Variants in RBFOX3 observed in about 807,000 individuals in gnomAD.
RBFOX3 encodes RNA binding protein fox-1 homolog 3.
RBFOX3 carries 17 observed loss-of-function variants against 48.7 expected under a neutral mutation model. The ratio of observed to expected loss-of-function variants is 0.35; its 90% CI spans 0.24 to 0.52. The LOEUF (loss-of-function observed/expected upper bound fraction) is 0.52. RBFOX3 is among the 20% of genes least tolerant of loss of function. The pLI, the probability that RBFOX3 is intolerant of heterozygous loss-of-function variation, is 0.94. For synonymous variants in RBFOX3, 212 were observed against 209.5 expected, an observed-to-expected ratio of 1.01 and a Z score of -0.10; for missense variants, 382 against 497.5, an observed-to-expected ratio of 0.77 and a Z score of 2.21.
At chr17:79,610,481 C>T (rs996034662) in intron 1 of RBFOX3, among the ~76,000 whole-genome samples, 6 of 150,164 alleles carry the variant, frequency 4.0e-5, no homozygotes, top group South Asian at 4.2e-4. Context: ...ACCGCCACCG[C>T]CACTGCCACC....
At chr17:79,567,572 GATTT>G (rs2092515043) in intron 1 of RBFOX3, among the ~76,000 whole-genome samples, 18,783 of 151,220 alleles carry the variant, frequency 0.12, 1,873 homozygotes, top group African/African-American at 0.27. Flanking sequence ...AGGTTTCCCT[GATTT>G]GATCATTACA....
In RBFOX3 at chr17:79,415,657, G is replaced by A. The variant is rs370152039; in HGVS notation, c.-175+66797C>T. Among the ~76,000 whole-genome samples, 5 of 152,302 alleles carry A rather than the reference G, an allele frequency of 3.3e-5. No individual in the cohort carries two copies. The East Asian group carries it at 5.8e-4, about 18-fold the overall frequency. On this transcript the variant is annotated intron_variant, in intron 2 of 14. Transcript: ENST00000693108. ...GCAGGACAGTCACACAATTGCATGC[G>A]GCTCAGTTACGATGGGCACACAGGG... is the stretch of plus-strand genomic sequence containing the variant.
chr17:79,660,053 G>A, the RBFOX3 span, among the ~76,000 whole-genome samples: 1 of 152,180 alleles, frequency 6.6e-6, no homozygotes, highest in Non-Finnish European at 1.5e-5. Context: ...AGGGCATGGT[G>A]GCGGGCGCCT....
intron 5 of RBFOX3, among the ~76,000 whole-genome samples, chr17:79,114,994 G>A (rs2033431745): frequency 6.6e-6 from 1 of 152,244 alleles, no homozygotes; most frequent in South Asian, 2.1e-4. Flanking sequence ...TCTGATTGGA[G>A]GCCAGCCAAG....
intron 6 of RBFOX3, 88 bp downstream of exon 6, chr17:79,106,563 G>C: frequency 2.9e-6 from 4 of 1,372,338 alleles, no homozygotes; most frequent in Non-Finnish European, 3.8e-6. Flanking sequence ...GGGGGAACAG[G>C]TGTCGGCAGG....
chr17:79,652,819 A>G, the RBFOX3 span, among the ~76,000 whole-genome samples: 1 of 152,094 alleles, frequency 6.6e-6, no homozygotes, highest in African/African-American at 2.4e-5. Flanking sequence ...TAATACCATA[A>G]ATGTCCCCAG....
chr17:79,280,381 T>C (rs11651201), intron 3 of RBFOX3, among the ~76,000 whole-genome samples: 38,623 of 152,046 alleles, frequency 0.25, 5,468 homozygotes, highest in East Asian at 0.59. Context: ...TGGGACTGTC[T>C]GTGTGAGATG....
chr17:79,384,495 C>T (rs555572149), intron 2 of RBFOX3, among the ~76,000 whole-genome samples: 3 of 152,190 alleles, frequency 2.0e-5, no homozygotes, highest in Admixed American at 6.5e-5. Context: ...TCTGGAGAAC[C>T]GTCTGCCCTC....
chr17:79,559,499 A>C (rs2092027400), intron 1 of RBFOX3, among the ~76,000 whole-genome samples: 1 of 132,436 alleles, frequency 7.6e-6, no homozygotes, highest in Non-Finnish European at 1.6e-5. Flanking sequence ...TAGGTGGTGG[A>C]TTTTGTATGG....
intron 14 of RBFOX3, chr17:79,092,313 G>T: frequency 1.0e-6 from 1 of 985,538 alleles, no homozygotes; most frequent in Non-Finnish European, 1.2e-6. Context: ...TACCTGCAAT[G>T]GCTTGGGTAG....
chr17:79,338,387 A>G (rs1028339911), intron 2 of RBFOX3, among the ~76,000 whole-genome samples: 5 of 152,104 alleles, frequency 3.3e-5, no homozygotes, highest in African/African-American at 1.2e-4. Context: ...ATCAGCAGAC[A>G]GGGAGAGTAT....
chr17:79,334,873 C>T lies in RBFOX3; in HGVS notation c.-174-27049G>A, dbSNP rs79446040. 5.3e-3 allele frequency among the ~76,000 whole-genome samples: 804 copies of T among 152,364 alleles called. 5 individuals are homozygous for T. The highest frequency in any genetic ancestry group is 0.018 in the African/African-American group (731 of 41,584). On this transcript the variant is annotated intron_variant, in intron 2 of 14. Transcript: ENST00000693108. ...CTGGCACGTAGCAAGTGTCTCACCC[C>T]CCAACCAGCCCAGCCCACCCTGCAC... is the stretch of plus-strand genomic sequence containing the variant.
intron 2 of RBFOX3, among the ~76,000 whole-genome samples, chr17:79,465,819 C>T (rs989550151): frequency 6.6e-6 from 1 of 152,196 alleles, no homozygotes; most frequent in African/African-American, 2.4e-5. Flanking sequence ...GGCACGGGAT[C>T]GCGGCCTGGG....
the RBFOX3 span, among the ~76,000 whole-genome samples, chr17:79,652,028 A>C: frequency 1.3e-5 from 2 of 151,778 alleles, no homozygotes; most frequent in Admixed American, 6.6e-5. Context: ...GCCCTGGCAA[A>C]CATATTGACT....
chr17:79,154,408 T>C (rs1387565945), intron 4 of RBFOX3, among the ~76,000 whole-genome samples: 4 of 152,230 alleles, frequency 2.6e-5, no homozygotes, highest in Non-Finnish European at 5.9e-5. Flanking sequence ...CTCATCTCTC[T>C]TTCTCTGCTG....
intron 1 of RBFOX3, among the ~76,000 whole-genome samples, chr17:79,495,017 A>G (rs893451145): frequency 3.9e-5 from 6 of 152,110 alleles, no homozygotes; most frequent in Non-Finnish European, 8.8e-5. Context: ...CGCAGTGGCC[A>G]TCTGGGATAT....
chr17:79,263,156 C>T (rs757241037), intron 3 of RBFOX3, among the ~76,000 whole-genome samples: 1 of 152,178 alleles, frequency 6.6e-6, no homozygotes, highest in Non-Finnish European at 1.5e-5. Context: ...CAAGTGGATG[C>T]TGGGGTACCC....
intron 2 of RBFOX3, among the ~76,000 whole-genome samples, chr17:79,343,636 C>A (rs1235087997): frequency 6.6e-6 from 1 of 152,226 alleles, no homozygotes; most frequent in Non-Finnish European, 1.5e-5. Context: ...TTCTTGGATT[C>A]TCCCGTGGAT....
chr17:79,392,202 C>T lies in RBFOX3; in HGVS notation c.-174-84378G>A, dbSNP rs371097954. 3.9e-5 allele frequency among the ~76,000 whole-genome samples: 6 copies of T among 152,166 alleles called. No homozygotes were observed. The highest frequency in any genetic ancestry group is 2.1e-4 in the South Asian group (1 of 4,816). On this transcript the variant is annotated intron_variant, in intron 2 of 14. Transcript: ENST00000693108. This position sits in a 1 kb window ranked among gnomAD's most constrained non-coding sequence, Gnocchi z 5.0. ...AAAACTGGGGCAGCCTCCTCACCCC[C>T]GTCTCTTTTCTCAGTGGTTAGTTAT...
Sources: allele counts gnomAD v4.1 joint callset (sites outside exome capture counted in the v4.1 genomes callset), GRCh38; gene constraint gnomAD v4.1.1; non-coding constraint Gnocchi (gnomAD v3.1); transcripts MANE v1.5; gene names NCBI Gene and HGNC (gene_info 2026-07-23, HGNC 2026-07-21).